NACC2: variants seen among roughly 807,000 people sequenced by gnomAD.
The protein encoded by NACC2 is NACC family member 2, also known as nucleus accumbens-associated protein 2.
A neutral mutation model predicts 25.1 loss-of-function variants in NACC2; 8 were observed. The observed-to-expected ratio is 0.32, with a 90% CI of 0.19 to 0.57. The LOEUF (loss-of-function observed/expected upper bound fraction) is 0.57. NACC2 is among the 20% of genes least tolerant of loss of function. NACC2 has a pLI of 0.89. For synonymous variants in NACC2, 435 were observed against 294.7 expected, an observed-to-expected ratio of 1.48 and a Z score of -4.88; for missense variants, 644 against 650.2, an observed-to-expected ratio of 0.99 and a Z score of 0.10.
In NACC2 at chr9:136,055,798, T is replaced by C. The variant is rs559368477; in HGVS notation, c.-59-5218A>G. ...CGTTCTGCGGAGGGGAGAGTCCCTC[T>C]ACCCCGAGCCCCGGCCCCTGGTGGA... On this transcript the variant is annotated intron_variant, in intron 1 of 5. Coordinates refer to ENST00000277554, the MANE Select transcript of NACC2 (RefSeq NM_144653.5). This position sits in a 1 kb window ranked among gnomAD's most constrained non-coding sequence, Gnocchi z 4.9. 3.9e-5 allele frequency among the ~76,000 whole-genome samples: 6 copies of C among 152,298 alleles called. No homozygotes were observed. The South Asian group carries it at 1.2e-3, about 32-fold the overall frequency.
chr9:136,083,149 G>A (rs1830341532), intron 1 of NACC2, among the ~76,000 whole-genome samples: 1 of 152,218 alleles, frequency 6.6e-6, no homozygotes, highest in African/African-American at 2.4e-5. Flanking sequence ...CACCCTGCTG[G>A]AGCGGAGGCT....
At position 136,042,343 on chromosome 9, in the gene NACC2, G is replaced by T. The variant is rs547227135; in HGVS notation, c.886+7293C>A. ...GAAGACCTACACAACCTGACTTCAA[G>T]AATTAAAGCTACAGTAATCCTGACG... On this transcript the variant is annotated intron_variant, in intron 2 of 5. Coordinates refer to ENST00000277554, the MANE Select transcript of NACC2 (RefSeq NM_144653.5). Among the ~76,000 whole-genome samples, 83 of 152,200 alleles carry T rather than the reference G, an allele frequency of 5.5e-4. 1 individual carries two copies. The East Asian group carries it at 0.015, about 27-fold the overall frequency.
intron 2 of NACC2, 21 bp from the exon 3 acceptor site, chr9:136,016,450 T>C (rs1349301944): frequency 2.5e-6 from 4 of 1,610,084 alleles, no homozygotes; most frequent in Non-Finnish European, 3.4e-6. Flanking sequence ...AGAACCAACC[T>C]GGTCAGATGG....
chr9:136,069,092 G>C (rs980293445), intron 1 of NACC2, among the ~76,000 whole-genome samples: 3 of 151,310 alleles, frequency 2.0e-5, no homozygotes, highest in Non-Finnish European at 2.9e-5. Context: ...ATTTTTAGTA[G>C]AGACGGGGTT....
Position 136,009,619 on chromosome 9 carries a change from G to C in NACC2, c.*1897C>G, listed in dbSNP as rs1465739725. ...GAGGCTGAGTGCTGTCTGTAGAGGC[G>C]GCCCCACGGGAGGTCTCCTAGGGCC... On this transcript the variant is annotated 3_prime_UTR_variant, in exon 6 of 6. Coordinates refer to ENST00000277554, the MANE Select transcript of NACC2 (RefSeq NM_144653.5). The C allele has an allele frequency of 6.6e-6, 1 of 152,270 alleles. No homozygotes were observed. Among genetic ancestry groups the C allele is most frequent in the Non-Finnish European group, 1.5e-5 (1 of 68,064 alleles). 9.4% of individuals were successfully genotyped at this position (152,270 alleles called of 1,614,324 possible).
chr9:136,045,443 C>T (rs983873723), intron 2 of NACC2, among the ~76,000 whole-genome samples: 10 of 129,336 alleles, frequency 7.7e-5, no homozygotes, highest in Admixed American at 6.6e-4. Context: ...AATACCCAGG[C>T]GTGGCTTTGT....
At chr9:136,089,636 G>C (rs931802234) in intron 1 of NACC2, among the ~76,000 whole-genome samples, 3 of 151,906 alleles carry the variant, frequency 2.0e-5, no homozygotes, top group Admixed American at 6.6e-5. Context: ...ATCCACAGTT[G>C]GGGGAGGCCC....
At chr9:136,023,088 A>C (rs1401202975) in intron 2 of NACC2, among the ~76,000 whole-genome samples, 1 of 442 alleles carries the variant, frequency 2.3e-3, no homozygotes, top group African/African-American at 8.9e-3. Flanking sequence ...GGAGGGAGGG[A>C]AGGAGGGAAG....
intron 2 of NACC2, among the ~76,000 whole-genome samples, chr9:136,040,500 T>C (rs1230443375): frequency 6.6e-6 from 1 of 152,208 alleles, no homozygotes; most frequent in African/African-American, 2.4e-5. Context: ...ATTCTACTCC[T>C]AGGTATGTAG....
At position 136,011,807 on chromosome 9, in the gene NACC2, G is replaced by A. The variant is rs547797219; in HGVS notation, c.1473C>T (p.Phe491=). The part of the protein sequence containing the change: ...PEFPPAAAQV[F]EQRIYAERRG... ...GCCGCTCGGCGTAGATGCGTTGCTC[G>A]AACACCTGTGCCGCGGCAGGCGGGA... The change falls in exon 6 of 6, where the codon TTC becomes TTT. Residue 491 remains phenylalanine (F), a synonymous_variant. Transcript: ENST00000277554. 5.1e-6 allele frequency: 8 copies of A among 1,579,888 alleles called. No individual in the cohort carries two copies. The highest frequency in any genetic ancestry group is 1.8e-5 in the Admixed American group (1 of 56,944).
At chr9:136,034,750 T>C (rs983828769) in intron 2 of NACC2, among the ~76,000 whole-genome samples, 1 of 152,148 alleles carries the variant, frequency 6.6e-6, no homozygotes, top group African/African-American at 2.4e-5. Context: ...GGAAGCTCTT[T>C]CCTGTAAGAC....
At chr9:136,039,423 C>T (rs1840597661) in intron 2 of NACC2, among the ~76,000 whole-genome samples, 3 of 152,280 alleles carry the variant, frequency 2.0e-5, no homozygotes, top group African/African-American at 4.8e-5. Flanking sequence ...TTATCAAACA[C>T]TTCAACAACA....
chr9:136,040,884 C>G (rs1840616997), intron 2 of NACC2, among the ~76,000 whole-genome samples: 1 of 151,954 alleles, frequency 6.6e-6, no homozygotes, highest in Non-Finnish European at 1.5e-5. Flanking sequence ...CTCCTTGAGT[C>G]TGGGAGGCAG....
intron 1 of NACC2, among the ~76,000 whole-genome samples, chr9:136,060,911 TGA>T (rs112554424): frequency 1.1e-4 from 17 of 152,188 alleles, no homozygotes; most frequent in African/African-American, 3.9e-4. Flanking sequence ...AGCCAGTCCC[TGA>T]GAGACTGGGT....
intron 2 of NACC2, among the ~76,000 whole-genome samples, chr9:136,045,585 C>A (rs1177797769): frequency 1.8e-4 from 27 of 152,320 alleles, no homozygotes; most frequent in African/African-American, 6.3e-4. Flanking sequence ...GGGCGCAGGT[C>A]CGGGCAGCCC....
At chr9:136,077,662 G>A (rs995083160) in intron 1 of NACC2, among the ~76,000 whole-genome samples, 3 of 152,160 alleles carry the variant, frequency 2.0e-5, no homozygotes, top group South Asian at 2.1e-4. Context: ...GTCCCCAGGC[G>A]GTGACACCTG....
rs1840245459 is a variant in NACC2, at chr9:136,019,025, G to A, written c.887-2596C>T. ...AGAGCCAGAGACTGTCAGCACCAGAGCGGCCAAAAAAGCCTCTTCTATTTC... is the reference window on the plus strand; with the variant it reads ...AGAGCCAGAGACTGTCAGCACCAGAACGGCCAAAAAAGCCTCTTCTATTTC... On this transcript the variant is annotated intron_variant, in intron 2 of 5. Transcript: ENST00000277554. The surrounding 1 kb of genome is among the most constrained non-coding windows in gnomAD (Gnocchi z 5.2). 6.6e-6 allele frequency: 1 copy of A among 152,060 alleles called. No homozygotes were observed. The highest frequency in any genetic ancestry group is 2.4e-5 in the African/African-American group (1 of 41,400). The allele number at this position is 152,060 out of a possible 1,614,324, so 9.4% of individuals were successfully genotyped here. A position where few individuals can be genotyped will look rare whatever the true frequency, so the allele number is the denominator to read the frequency against.
chr9:136,071,092 A>G (rs757373414), intron 1 of NACC2, among the ~76,000 whole-genome samples: 4 of 151,400 alleles, frequency 2.6e-5, no homozygotes, highest in Non-Finnish European at 5.9e-5. Flanking sequence ...AATTCGCCAG[A>G]CATGGTGGCT....
In NACC2 at chr9:136,018,874, T is replaced by C. The variant is rs920438101; in HGVS notation, c.887-2445A>G. Among the ~76,000 whole-genome samples the C allele has an allele frequency of 1.3e-5, 2 of 152,132 alleles. No homozygotes were observed. Among genetic ancestry groups the C allele is most frequent in the African/African-American group, 4.8e-5 (2 of 41,408 alleles). On this transcript the variant is annotated intron_variant, in intron 2 of 5. Transcript: ENST00000277554. This position sits in a 1 kb window ranked among gnomAD's most constrained non-coding sequence, Gnocchi z 4.4. ...AGCCGCACGGTGCGTGGCATTTACATAAAGAGTTCACCAACAGAAATAATT... is the reference window on the plus strand; with the variant it reads ...AGCCGCACGGTGCGTGGCATTTACACAAAGAGTTCACCAACAGAAATAATT...
Sources: gnomAD v4.1 joint callset for allele counts (sites outside exome capture counted in the v4.1 genomes callset) on GRCh38, gnomAD v4.1.1 for gene constraint, Gnocchi (gnomAD v3.1) non-coding constraint, MANE v1.5 for transcripts, NCBI Gene and HGNC (gene_info 2026-07-23, HGNC 2026-07-21) for gene names.